Variants in GARNL3 observed in about 807,000 individuals in gnomAD.
The protein encoded by GARNL3 is GTPase-activating Rap/Ran-GAP domain-like protein 3.
In GARNL3, 63 loss-of-function variants were observed where a neutral mutation model predicts 125.0. That is an observed-to-expected ratio of 0.50 (90% CI 0.41 to 0.62). GARNL3 has a LOEUF of 0.62. GARNL3 is among the 20% of genes least tolerant of loss of function. GARNL3 has a pLI of 0.00. For synonymous variants in GARNL3, 439 were observed against 457.5 expected (o/e 0.96, Z 0.52); for missense variants, 994 against 1,244.0 (o/e 0.80, Z 3.02).
rs1300783009 is a variant in GARNL3, at chr9:127,266,371, C to T, written c.144+1350C>T. On this transcript the variant is annotated intron_variant, in intron 1 of 27. Coordinates refer to ENST00000373387, the MANE Select transcript of GARNL3 (RefSeq NM_032293.5). This position sits in a 1 kb window ranked among gnomAD's most constrained non-coding sequence, Gnocchi z 4.0. ...CTAACAGTATGATTCCTGGCAATGC[C>T]GTGTCCCAAGGCAATGAGCAAATGG... Among the ~76,000 whole-genome samples the T allele has an allele frequency of 6.6e-6, 1 of 152,110 alleles. No individual in the cohort carries two copies. Among genetic ancestry groups the T allele is most frequent in the Non-Finnish European group, 1.5e-5 (1 of 68,016 alleles).
intron 10 of GARNL3, among the ~76,000 whole-genome samples, chr9:127,335,566 C>T (rs1297155845): frequency 1.3e-5 from 2 of 151,954 alleles, no homozygotes; most frequent in Non-Finnish European, 1.5e-5. Context: ...AATGTGCATG[C>T]GTGTGTATGT....
chr9:127,349,404 C>T (rs903112354), intron 17 of GARNL3, among the ~76,000 whole-genome samples: 4 of 150,938 alleles, frequency 2.7e-5, no homozygotes, highest in African/African-American at 4.9e-5. Context: ...TTCCCTCTCT[C>T]GAAGTCTTAA....
chr9:127,294,457 C>T (rs1260139122), intron 2 of GARNL3, among the ~76,000 whole-genome samples: 2 of 152,166 alleles, frequency 1.3e-5, no homozygotes, highest in East Asian at 1.9e-4. Flanking sequence ...GTGTGAGCCA[C>T]CATGCCTAGC....
chr9:127,310,253 TA>T (rs2065058066), intron 2 of GARNL3, among the ~76,000 whole-genome samples: 1 of 151,762 alleles, frequency 6.6e-6, no homozygotes, highest in Non-Finnish European at 1.5e-5. Context: ...GCAAAAGCCA[TA>T]AAGGGAAAAA....
intron 7 of GARNL3, among the ~76,000 whole-genome samples, chr9:127,328,975 C>T (rs534164152): frequency 7.2e-5 from 11 of 152,300 alleles, no homozygotes; most frequent in Admixed American, 5.2e-4. Context: ...GCAGCACCTC[C>T]CTCCAGGGAC....
intron 1 of GARNL3, among the ~76,000 whole-genome samples, chr9:127,275,598 G>C (rs1417632216): frequency 6.6e-6 from 1 of 152,186 alleles, no homozygotes; most frequent in African/African-American, 2.4e-5. Flanking sequence ...TTAAGGAGGG[G>C]AACATCTGTG....
intron 1 of GARNL3, among the ~76,000 whole-genome samples, chr9:127,274,171 C>G (rs2063894604): frequency 6.6e-6 from 1 of 152,320 alleles, no homozygotes; most frequent in African/African-American, 2.4e-5. Context: ...TGATGCTTGT[C>G]TCCTCCCTAC....
At position 127,349,019 on chromosome 9, in the gene GARNL3, C is replaced by T. The variant is rs559232060; in HGVS notation, c.1527C>T (p.Gly509=). 4.3e-6 allele frequency: 7 copies of T among 1,612,396 alleles called. No individual in the cohort carries two copies. Among genetic ancestry groups the T allele is most frequent in the South Asian group, 3.3e-5 (3 of 91,024 alleles). ...CCTTGCTGGTTTCCACTGATGCTGG[C>T]GTCTTGCTAGTGGATGGTTAGTGAG... ...GQALLVSTDA[G]VLLVDDDLPS... is the part of the protein sequence containing the mutation. The change falls in exon 17 of 28, where the codon GGC becomes GGT. Residue 509 remains glycine, a synonymous_variant. Transcript: ENST00000373387.
At chr9:127,345,352 G>A in intron 15 of GARNL3, 51 bp from the exon 16 acceptor site, 1 of 1,138,830 alleles carries the variant, frequency 8.8e-7, no homozygotes, top group Non-Finnish European at 1.3e-6. Context: ...TGTTTATCCT[G>A]CTGTACTTTT....
chr9:127,351,671 A>G (rs1177355647), intron 17 of GARNL3, among the ~76,000 whole-genome samples: 1 of 152,206 alleles, frequency 6.6e-6, no homozygotes, highest in Non-Finnish European at 1.5e-5. Context: ...GCTTAATTTC[A>G]TTAGATGTAT....
At chr9:127,377,557 C>T (rs539828819) in intron 22 of GARNL3, among the ~76,000 whole-genome samples, 10 of 151,986 alleles carry the variant, frequency 6.6e-5, no homozygotes, top group South Asian at 2.1e-4. Context: ...GAGGCTAAGG[C>T]GGGCAGATCA....
At chr9:127,382,189 A>T (rs1481706929) in intron 22 of GARNL3, among the ~76,000 whole-genome samples, 1 of 152,014 alleles carries the variant, frequency 6.6e-6, no homozygotes, top group East Asian at 1.9e-4. Context: ...AGTCCCAGCT[A>T]CTTGGGAGGC....
At chr9:127,377,728 C>T (rs1276762941) in intron 22 of GARNL3, among the ~76,000 whole-genome samples, 1 of 142,044 alleles carries the variant, frequency 7.0e-6, no homozygotes, top group African/African-American at 2.7e-5. Flanking sequence ...GCAGAGGTTG[C>T]AGTAAGCTGA....
intron 22 of GARNL3, among the ~76,000 whole-genome samples, chr9:127,380,883 TTTTA>T (rs1442650251): frequency 6.6e-6 from 1 of 152,166 alleles, no homozygotes; most frequent in Non-Finnish European, 1.5e-5. Flanking sequence ...GAATTGTACA[TTTTA>T]TTTTATTTTT....
chr9:127,263,781 A>T, upstream of GARNL3: 1 of 1,237,596 alleles, frequency 8.1e-7, no homozygotes, highest in Non-Finnish European at 1.0e-6. Context: ...TTCTCATATA[A>T]GATTAATTCA....
intron 2 of GARNL3, among the ~76,000 whole-genome samples, chr9:127,309,935 C>T (rs2065050376): frequency 6.6e-6 from 1 of 152,140 alleles, no homozygotes; most frequent in Admixed American, 6.5e-5. Flanking sequence ...GAGATATCAA[C>T]AAAGCTGCAA....
In GARNL3 at chr9:127,345,558, T is replaced by C. The variant is rs911921321; in HGVS notation, c.1431+81T>C. ...ATGATTGAGATTATTGGAAAAAGGT[T>C]TGAGAGCAGAAGGAAGAAGAGCATG... On this transcript the variant is annotated intron_variant, in intron 16 of 27. Coordinates refer to ENST00000373387, the MANE Select transcript of GARNL3 (RefSeq NM_032293.5). The C allele has an allele frequency of 9.5e-6, 9 of 948,202 alleles. No individual in the cohort carries two copies. In the African/African-American group the frequency reaches 1.5e-4, roughly 16 times the overall value. 58.7% of individuals were successfully genotyped at this position (948,202 alleles called of 1,614,324 possible). A position where few individuals can be genotyped will look rare whatever the true frequency, so the allele number is the denominator to read the frequency against.
chr9:127,362,094 A>G (rs1831036810), intron 21 of GARNL3: 1 of 139,222 alleles, frequency 7.2e-6, no homozygotes, highest in African/African-American at 2.7e-5. Context: ...TTTTTGAGAC[A>G]GAGTTTCGCT....
chr9:127,277,676 A>G (rs1334201928), intron 1 of GARNL3, among the ~76,000 whole-genome samples: 2 of 151,982 alleles, frequency 1.3e-5, no homozygotes, highest in Non-Finnish European at 1.5e-5. Context: ...CATGTGGCCC[A>G]TGATCCAGCA....
Sources: allele counts gnomAD v4.1 joint callset (sites outside exome capture counted in the v4.1 genomes callset), GRCh38; gene constraint gnomAD v4.1.1; non-coding constraint Gnocchi (gnomAD v3.1); transcripts MANE v1.5; gene names NCBI Gene and HGNC (gene_info 2026-07-23, HGNC 2026-07-21).